Variants in ANK3 observed in about 807,000 individuals in gnomAD.
ANK3 encodes the protein ankyrin 3.
In ANK3, 57 loss-of-function variants were observed where a neutral mutation model predicts 370.9. That is an observed-to-expected ratio of 0.15 (90% CI 0.12 to 0.19). The LOEUF is 0.19. Ranked by LOEUF, ANK3 falls within the 10% of genes least tolerant of loss-of-function variation. ANK3 has a pLI of 1.00. For missense variants in ANK3, 4,439 were observed against 5,302.1 expected, an observed-to-expected ratio of 0.84 and a Z score of 5.06; for synonymous variants, 1,929 against 1,946.3, an observed-to-expected ratio of 0.99 and a Z score of 0.23.
chr10:60,299,486 A>T (rs1035289088), intron 1 of ANK3, among the ~76,000 whole-genome samples: 1 of 152,184 alleles, frequency 6.6e-6, no homozygotes, highest in African/African-American at 2.4e-5. Context: ...TAAACACAAT[A>T]TTCAGGAATC....
chr10:60,160,214 G>A (rs928838275), intron 23 of ANK3, among the ~76,000 whole-genome samples: 6 of 151,896 alleles, frequency 4.0e-5, no homozygotes, highest in East Asian at 1.9e-4. Flanking sequence ...GGATGAAAAC[G>A]GAGACATTAC....
In ANK3 at chr10:60,063,235, G is replaced by C; in HGVS notation, c.12471C>G (p.Val4157=). ...TATCTATTCGATTAATTTTTGTCAA[G>C]ACCGAAGTTAAGGCATCAGCTGAAA... ...KNATTDALTS[V]LTKINRIDIV... The change falls in exon 40 of 44, where the codon GTC becomes GTG. Residue 4157 remains valine, a synonymous_variant. Transcript: ENST00000280772. 1 of 1,606,704 alleles carries C rather than the reference G, an allele frequency of 6.2e-7. No homozygotes were observed. The highest frequency in any genetic ancestry group is 8.5e-7 in the Non-Finnish European group (1 of 1,177,612).
In ANK3 at chr10:60,072,422, G is replaced by C. The variant is rs775161872; in HGVS notation, c.8459C>G (p.Ala2820Gly). 6.2e-7 allele frequency: 1 copy of C among 1,614,038 alleles called. No individual in the cohort carries two copies. The highest frequency in any genetic ancestry group is 1.1e-5 in the South Asian group (1 of 91,060). Residue 2820 changes from alanine (A) to glycine (G), a missense_variant, in exon 37 of 44, where the codon GCA becomes GGA. Transcript: ENST00000280772. ...KKQRTEMSSK[A>G]MPDSFSEQQA... ...CTGCTCAGAAAAAGAGTCAGGCATT[G>C]CTTTACTTGACATTTCAGTTCTCTG...
At position 60,451,971 on chromosome 10, in the gene ANK3, A is replaced by G. The variant is rs1402933937; in HGVS notation, c.96+163215T>C. Among the ~76,000 whole-genome samples the G allele has an allele frequency of 2.0e-5, 3 of 152,202 alleles. No individual in the cohort carries two copies. The East Asian group carries it at 5.8e-4, about 29-fold the overall frequency. On this transcript the variant is annotated intron_variant, in intron 2 of 43. Coordinates refer to the ANK3 transcript ENST00000373827. ...ACTTCTAGAAACAGAGTGGAGTCTC[A>G]CCAGCACATGGATGTGAGGCGCATT...
chr10:60,422,374 T>A (rs529276534), intron 2 of ANK3, among the ~76,000 whole-genome samples: 46 of 152,224 alleles, frequency 3.0e-4, no homozygotes, highest in African/African-American at 1.0e-3. Flanking sequence ...GCAATGTAAA[T>A]TTTAACTGAC....
At chr10:60,671,738 G>A (rs541243064) in intron 1 of ANK3, among the ~76,000 whole-genome samples, 2 of 152,282 alleles carry the variant, frequency 1.3e-5, no homozygotes, top group East Asian at 3.9e-4. Flanking sequence ...TACTCTCTAG[G>A]ACCACTCACA....
chr10:60,418,132 C>T (rs183544618), intron 2 of ANK3, among the ~76,000 whole-genome samples: 1 of 152,142 alleles, frequency 6.6e-6, no homozygotes, highest in African/African-American at 2.4e-5. Flanking sequence ...ATTGCAGCAG[C>T]CTGCAAGCTG....
intron 2 of ANK3, among the ~76,000 whole-genome samples, chr10:60,512,391 C>A (rs954547234): frequency 1.9e-4 from 29 of 152,046 alleles, no homozygotes; most frequent in African/African-American, 7.0e-4. Context: ...AAATGTTCAT[C>A]CAATTAGTGA....
intron 16 of ANK3, among the ~76,000 whole-genome samples, chr10:60,193,054 A>C (rs967442158): frequency 6.6e-6 from 1 of 152,208 alleles, no homozygotes; most frequent in Non-Finnish European, 1.5e-5. Flanking sequence ...AAAGTTCCTG[A>C]CCAGTACCAC....
At position 60,449,011 on chromosome 10, in the gene ANK3, T is replaced by A. The variant is rs79710877; in HGVS notation, c.96+166175A>T. On this transcript the variant is annotated intron_variant, in intron 2 of 43. Coordinates refer to the ANK3 transcript ENST00000373827. ...GTCTCATCTCAAAGGGTCAGTAAAA[T>A]GACCAAGAGGCAAATTTCAGAGGAG... Among the ~76,000 whole-genome samples the A allele has an allele frequency of 5.0e-3, 761 of 152,306 alleles. 4 individuals carry two copies. The highest frequency in any genetic ancestry group is 6.3e-3 in the Non-Finnish European group (432 of 68,032).
chr10:60,198,209 A>G (rs977553665), intron 14 of ANK3, 131 bp downstream of exon 14: 4 of 877,244 alleles, frequency 4.6e-6, no homozygotes, highest in Admixed American at 2.4e-5. Context: ...TTTGCTGGCC[A>G]TATTAATGAC....
chr10:60,281,143 C>G (rs1394020210), intron 1 of ANK3, among the ~76,000 whole-genome samples: 1 of 152,160 alleles, frequency 6.6e-6, no homozygotes, highest in Admixed American at 6.5e-5. Flanking sequence ...TCAACTTGCT[C>G]AGAACCTCAG....
chr10:60,429,043 C>A (rs1463084068), intron 2 of ANK3, among the ~76,000 whole-genome samples: 1 of 152,052 alleles, frequency 6.6e-6, no homozygotes, highest in Non-Finnish European at 1.5e-5. Context: ...TAAAATCTAG[C>A]TTTAATTCAA....
At chr10:60,477,548 C>T in intron 2 of ANK3, among the ~76,000 whole-genome samples, 1 of 150,496 alleles carries the variant, frequency 6.6e-6, no homozygotes, top group African/African-American at 2.4e-5. Flanking sequence ...CACACACACA[C>T]ACACACACAC....
intron 2 of ANK3, among the ~76,000 whole-genome samples, chr10:60,471,883 G>A (rs1319738220): frequency 2.0e-5 from 3 of 151,952 alleles, no homozygotes; most frequent in Admixed American, 2.0e-4. Flanking sequence ...AGATACTGGA[G>A]CTTTCCTATA....
chr10:60,493,435 A>G (rs1463112682), intron 2 of ANK3, among the ~76,000 whole-genome samples: 2 of 152,098 alleles, frequency 1.3e-5, no homozygotes, highest in Non-Finnish European at 1.5e-5. Context: ...GAATGAGCAC[A>G]AGAGAAGGGA....
chr10:60,372,150 A>C (rs2060186614), intron 1 of ANK3, among the ~76,000 whole-genome samples: 1 of 152,230 alleles, frequency 6.6e-6, no homozygotes, highest in African/African-American at 2.4e-5. Flanking sequence ...CCAAGAGATA[A>C]AACTAAAAGT....
intron 2 of ANK3, among the ~76,000 whole-genome samples, chr10:60,486,637 A>G (rs1164232078): frequency 6.6e-6 from 1 of 152,202 alleles, no homozygotes; most frequent in African/African-American, 2.4e-5. Context: ...CACATTTTAT[A>G]AGCACGTTTG....
At chr10:60,653,070 T>C (rs930452683) in intron 1 of ANK3, among the ~76,000 whole-genome samples, 1 of 152,138 alleles carries the variant, frequency 6.6e-6, no homozygotes, top group African/African-American at 2.4e-5. Flanking sequence ...TTTTTAGATA[T>C]ATATATCATA....
Sources: allele counts gnomAD v4.1 joint callset (sites outside exome capture counted in the v4.1 genomes callset), GRCh38; gene constraint gnomAD v4.1.1; transcripts MANE v1.5; gene names NCBI Gene and HGNC (gene_info 2026-07-23, HGNC 2026-07-21).